Variants in QSOX1 observed in about 807,000 individuals in gnomAD.
QSOX1 encodes sulfhydryl oxidase 1.
A neutral mutation model predicts 76.1 loss-of-function variants in QSOX1; 40 were observed. The observed-to-expected ratio is 0.53, with a 90% CI of 0.41 to 0.68. QSOX1 has a LOEUF of 0.68. Among genes scored for constraint, QSOX1 ranks in the 30% least tolerant of loss-of-function variants. The pLI is 0.00. For missense variants in QSOX1, 931 were observed against 974.3 expected (o/e 0.96, Z 0.59); for synonymous variants, 392 against 413.1 (o/e 0.95, Z 0.62).
chr1:180,184,562 CTT>C (rs1181371880), intron 7 of QSOX1, among the ~76,000 whole-genome samples: 1 of 152,188 alleles, frequency 6.6e-6, no homozygotes, highest in African/African-American at 2.4e-5. Flanking sequence ...AGTTCACTGC[CTT>C]TTCAGGTCAC....
chr1:180,161,642 G>T (rs1662496925), intron 1 of QSOX1, among the ~76,000 whole-genome samples: 1 of 152,142 alleles, frequency 6.6e-6, no homozygotes, highest in African/African-American at 2.4e-5. Context: ...TTACCAAATT[G>T]CTGTAAACTA....
chr1:180,189,072 A>C (rs1284763634), intron 8 of QSOX1, among the ~76,000 whole-genome samples: 3 of 152,174 alleles, frequency 2.0e-5, no homozygotes, highest in Non-Finnish European at 4.4e-5. Context: ...AGCCCATGGA[A>C]TCCAAATGAA....
chr1:180,177,154 T>A (rs776797776), intron 4 of QSOX1, among the ~76,000 whole-genome samples: 1 of 152,152 alleles, frequency 6.6e-6, no homozygotes, highest in South Asian at 2.1e-4. Flanking sequence ...TCTCCCTCCT[T>A]ACACACACAC....
At chr1:180,159,972 T>C (rs1291622424) in intron 1 of QSOX1, among the ~76,000 whole-genome samples, 1 of 152,204 alleles carries the variant, frequency 6.6e-6, no homozygotes, top group African/African-American at 2.4e-5. Flanking sequence ...ACACATCATT[T>C]ATAGGTTAAG....
At chr1:180,162,733 A>G (rs553323586) in intron 1 of QSOX1, among the ~76,000 whole-genome samples, 1 of 152,150 alleles carries the variant, frequency 6.6e-6, no homozygotes, top group African/African-American at 2.4e-5. Context: ...GTGAGACCTT[A>G]TCTCAAAACA....
chr1:180,171,146 G>A lies in QSOX1; in HGVS notation c.367-4175G>A, dbSNP rs980556019. On this transcript the variant is annotated intron_variant, in intron 2 of 11. Transcript: ENST00000367602. ...AGTAGCAGTGAGGAAGATAGCTGGAGTATGAAAAGATTGAGCATACTAAAA... is the reference window on the plus strand; with the variant it reads ...AGTAGCAGTGAGGAAGATAGCTGGAATATGAAAAGATTGAGCATACTAAAA... Among the ~76,000 whole-genome samples the A allele has an allele frequency of 2.0e-5, 3 of 152,204 alleles. 1 individual carries two copies. Among genetic ancestry groups the A allele is most frequent in the African/African-American group, 7.2e-5 (3 of 41,456 alleles).
intron 4 of QSOX1, among the ~76,000 whole-genome samples, chr1:180,177,154 T>TA (rs1201424682): frequency 6.6e-6 from 1 of 152,034 alleles, no homozygotes; most frequent in Non-Finnish European, 1.5e-5. Flanking sequence ...TCTCCCTCCT[T>TA]ACACACACAC....
intron 7 of QSOX1, 135 bp downstream of exon 7, chr1:180,184,185 C>T: frequency 1.6e-6 from 2 of 1,215,684 alleles, no homozygotes; most frequent in Admixed American, 2.2e-5. Context: ...GCCAGGCTGT[C>T]CCCCACCCTG....
chr1:180,175,808 G>A (rs929076250), intron 3 of QSOX1, 123 bp from the exon 4 acceptor site: 38 of 744,070 alleles, frequency 5.1e-5, no homozygotes, highest in Non-Finnish European at 7.1e-5. Context: ...CTGACGCCTC[G>A]TCTGTCTCTG....
Position 180,203,676 on chromosome 1 carries a change from G to A in QSOX1, c.*6639G>A, listed in dbSNP as rs1229634133. 1 of 152,244 alleles carries A rather than the reference G, an allele frequency of 6.6e-6. No homozygotes were observed. Among genetic ancestry groups the A allele is most frequent in the Non-Finnish European group, 1.5e-5 (1 of 68,046 alleles). 9.4% of individuals were successfully genotyped at this position (152,244 alleles called of 1,614,324 possible). On this transcript the variant is annotated 3_prime_UTR_variant, in exon 12 of 12. Coordinates refer to ENST00000367602, the MANE Select transcript of QSOX1 (RefSeq NM_002826.5). ...AACCAACAGACCAAACCAATATGGA[G>A]TCATTCATGCTAAATGAAACTAGTT...
chr1:180,182,959 C>G (rs1454557116), intron 6 of QSOX1, among the ~76,000 whole-genome samples: 2 of 152,188 alleles, frequency 1.3e-5, no homozygotes, highest in East Asian at 3.9e-4. Flanking sequence ...CAGTGCCGAC[C>G]CACACGGCGC....
chr1:180,184,707 G>A (rs919353987), intron 7 of QSOX1, among the ~76,000 whole-genome samples: 2 of 152,214 alleles, frequency 1.3e-5, no homozygotes, highest in Non-Finnish European at 2.9e-5. Flanking sequence ...CATACCAGGT[G>A]GAAATGTCTG....
At chr1:180,156,245 G>A (rs1185388697) in intron 1 of QSOX1, among the ~76,000 whole-genome samples, 2 of 152,214 alleles carry the variant, frequency 1.3e-5, no homozygotes, top group Non-Finnish European at 2.9e-5. Flanking sequence ...AATCCAGGTA[G>A]TGGGTATTTG....
intron 6 of QSOX1, 120 bp from the exon 7 acceptor site, chr1:180,183,796 C>G (rs1663099306): frequency 1.7e-6 from 2 of 1,171,304 alleles, no homozygotes; most frequent in Non-Finnish European, 2.4e-6. Context: ...GAATCTCGTT[C>G]ACATATTTAA....
intron 10 of QSOX1, among the ~76,000 whole-genome samples, chr1:180,191,412 G>A (rs1039756419): frequency 2.0e-5 from 3 of 152,224 alleles, no homozygotes; most frequent in Non-Finnish European, 2.9e-5. Context: ...GGTGAGTAGG[G>A]ATTCCGCCAG....
rs371728293 is a variant in QSOX1, at chr1:180,176,050, C to A, written c.515+17C>A. On this transcript the variant is annotated intron_variant, in intron 4 of 11. Coordinates refer to ENST00000367602, the MANE Select transcript of QSOX1 (RefSeq NM_002826.5). ...GCCTGCCAAGTACTTTGGGCTGGGG[C>A]AGGCTTAGTGCATTGTGGGCCAGGA... is the stretch of plus-strand genomic sequence containing the variant. 9.7e-5 allele frequency: 152 copies of A among 1,559,948 alleles called. No individual in the cohort carries two copies. The African/African-American group carries it at 1.7e-3, about 17-fold the overall frequency.
chr1:180,195,226 G>A (rs531592443), intron 11 of QSOX1, among the ~76,000 whole-genome samples: 1 of 152,230 alleles, frequency 6.6e-6, no homozygotes, highest in South Asian at 2.1e-4. Context: ...AGGGCCAGGA[G>A]CCTGGGCCTG....
intron 1 of QSOX1, among the ~76,000 whole-genome samples, chr1:180,164,683 G>C (rs2149230890): frequency 6.6e-6 from 1 of 152,324 alleles, no homozygotes; most frequent in Middle Eastern, 3.4e-3. Context: ...CGTGTTCTTA[G>C]GAGCTCTGAT....
chr1:180,195,619 A>G (rs1011982709), intron 11 of QSOX1, among the ~76,000 whole-genome samples: 1 of 152,106 alleles, frequency 6.6e-6, no homozygotes, highest in African/African-American at 2.4e-5. Flanking sequence ...TGGGGTACCA[A>G]CAGCCTGCAG....
Sources: gnomAD v4.1 joint callset for allele counts (sites outside exome capture counted in the v4.1 genomes callset) on GRCh38, gnomAD v4.1.1 for gene constraint, MANE v1.5 for transcripts, NCBI Gene and HGNC (gene_info 2026-07-23, HGNC 2026-07-21) for gene names.